The following PKD1 variants were observed in gnomAD, a reference collection of about 807,000 sequenced individuals.
PKD1 encodes the protein polycystin 1, transient receptor potential channel interacting, also known as polycystin-1.
PKD1 carries 81 observed loss-of-function variants against 361.7 expected under a neutral mutation model. The ratio of observed to expected loss-of-function variants is 0.22; its 90% CI spans 0.19 to 0.27. PKD1 has a LOEUF of 0.27. Ranked by LOEUF, PKD1 falls within the 10% of genes least tolerant of loss-of-function variation. The probability of loss-of-function intolerance (pLI) is 1.00; values close to 1 mark genes in which losing one functional copy is unlikely to be tolerated. For synonymous variants in PKD1, 3,615 were observed against 2,818.3 expected, an observed-to-expected ratio of 1.28 and a Z score of -8.95; for missense variants, 6,399 against 6,118.3, an observed-to-expected ratio of 1.05 and a Z score of -1.53.
chr16:2,090,975 G>C lies in PKD1; in HGVS notation c.11912C>G (p.Pro3971Arg). The C allele has an allele frequency of 6.5e-7, 1 of 1,539,642 alleles. No individual in the cohort carries two copies. The highest frequency in any genetic ancestry group is 2.4e-5 in the East Asian group (1 of 41,166). Residue 3971 changes from proline (P) to arginine (R), a missense_variant, in exon 43 of 46, where the codon CCG becomes CGG. Coordinates refer to ENST00000262304, the MANE Select transcript of PKD1 (RefSeq NM_001009944.3). ...CTGGTCGAAGCTAGTGAAGCGGCGC[G>C]GGCGGCCGCGCACGAAACGGGTCCA... ...RQWTRFVRGR[P>R]RRFTSFDQVA...
intron 1 of PKD1, among the ~76,000 whole-genome samples, chr16:2,126,109 T>A (rs548080286): frequency 1.3e-5 from 2 of 152,176 alleles, no homozygotes; most frequent in South Asian, 4.1e-4. Flanking sequence ...CGGAATCCCA[T>A]CACCCACTCG....
rs775311110 is a variant in PKD1 at position 2,111,669 on chromosome 16, G to A, written c.3498C>T (p.Gly1166=). 10 of 1,575,188 alleles carry A rather than the reference G, an allele frequency of 6.3e-6. No individual in the cohort carries two copies. Among genetic ancestry groups the A allele is most frequent in the Middle Eastern group, 2.3e-4 (1 of 4,412 alleles). Reference sequence around the variant, plus strand: ...GCTGGCTCTGGGTCAGGACAGGGGAGCCGTCCCCGAAGTCCCACGTGTAAA... The same window carrying A: ...GCTGGCTCTGGGTCAGGACAGGGGAACCGTCCCCGAAGTCCCACGTGTAAA... ...GVLYTWDFGD[G]SPVLTQSQPA... The change falls in exon 15 of 46, where the codon GGC becomes GGT. Residue 1166 remains glycine, a synonymous_variant. Transcript: ENST00000262304.
chr16:2,111,867 C>T lies in PKD1; in HGVS notation c.3300G>A (p.Glu1100=), dbSNP rs1400516972. 6 of 1,610,228 alleles carry T rather than the reference C, an allele frequency of 3.7e-6. No homozygotes were observed. Among genetic ancestry groups the T allele is most frequent in the Admixed American group, 1.7e-5 (1 of 60,002 alleles). Residue 1100 remains glutamate, a synonymous_variant, in exon 15 of 46, where the codon GAG becomes GAA. Coordinates refer to ENST00000262304, the MANE Select transcript of PKD1 (RefSeq NM_001009944.3). ...TAGATGCCAGCACGGTCAGGAGGTA[C>T]TCACCTGTGGGGACAGGCCCGAGTG... ...NVMHTYAAPG[E]YLLTVLASNA... is the part of the protein sequence containing the mutation.
chr16:2,121,561 C>A (rs2092721543), intron 1 of PKD1, among the ~76,000 whole-genome samples: 1 of 152,184 alleles, frequency 6.6e-6, no homozygotes, highest in Non-Finnish European at 1.5e-5. Context: ...CAGCATGTCT[C>A]TCTTTTCAGA....
chr16:2,133,865 C>T (rs113297834), intron 1 of PKD1, among the ~76,000 whole-genome samples: 18,441 of 150,964 alleles, frequency 0.12, 1,421 homozygotes, highest in African/African-American at 0.19. Context: ...CCTAAGAGGA[C>T]AACACAAGGC....
intron 2 of PKD1, 49 bp downstream of exon 2, chr16:2,119,258 G>A (rs1355985386): frequency 2.4e-6 from 3 of 1,263,206 alleles, no homozygotes; most frequent in Non-Finnish European, 3.4e-6. Context: ...GGTGCCGCCA[G>A]CCCACCCGGA....
In PKD1 at chr16:2,118,048, T is replaced by C. The variant is rs781386978; in HGVS notation, c.944A>G (p.Asp315Gly). Residue 315 changes from aspartate (D) to glycine (G), a missense_variant, in exon 5 of 46, where the codon GAT becomes GGT. By Grantham distance (94) the Asp-to-Gly change is moderately conservative (BLOSUM62 -1). Coordinates refer to ENST00000262304, the MANE Select transcript of PKD1 (RefSeq NM_001009944.3). This position sits in a 1 kb window ranked among gnomAD's most constrained non-coding sequence, Gnocchi z 6.0. Reference protein sequence around the residue: ...WDFGDGSAEVDAAGPAASHRY... With the variant: ...WDFGDGSAEVGAAGPAASHRY... ...ATGCGAGGCAGCCGGCCCAGCGGCA[T>C]CCACCTCGGCGGAGCCGTCTCCGAA... The C allele has an allele frequency of 4.4e-6, 7 of 1,603,882 alleles. No homozygotes were observed. In the Admixed American group the frequency reaches 5.0e-5, roughly 11 times the overall value.
rs752292020 is a variant in PKD1 at position 2,106,976 on chromosome 16, C to T, written c.7066-28G>A. 2 of 1,579,096 alleles carry T rather than the reference C, an allele frequency of 1.3e-6. No individual in the cohort carries two copies. Among genetic ancestry groups the T allele is most frequent in the South Asian group, 2.2e-5 (2 of 90,688 alleles). On this transcript the variant is annotated intron_variant, in intron 16 of 45. Coordinates refer to ENST00000262304, the MANE Select transcript of PKD1 (RefSeq NM_001009944.3). This position sits in a 1 kb window ranked among gnomAD's most constrained non-coding sequence, Gnocchi z 6.5. ...GGCGTGGGAGTGGGGTTACCTCCAA[C>T]ACAGGTCTATTTGGCCTGCTGGAAG...
rs1427365464 is a variant in PKD1, at chr16:2,135,836, G to C, written c.-147C>G. 1 of 278,344 alleles carries C rather than the reference G, an allele frequency of 3.6e-6. No individual in the cohort carries two copies. Among genetic ancestry groups the C allele is most frequent in the Non-Finnish European group, 5.4e-6 (1 of 185,472 alleles). 17.2% of individuals were successfully genotyped at this position (278,344 alleles called of 1,614,324 possible). ...ACCTGCTGCTGAGCGACGCCCGCTC[G>C]GGGCTCGGGGCCAGGCCGCTCCGGG... is the stretch of plus-strand genomic sequence containing the variant. On this transcript the variant is annotated 5_prime_UTR_variant, in exon 1 of 46. Coordinates refer to ENST00000262304, the MANE Select transcript of PKD1 (RefSeq NM_001009944.3).
chr16:2,092,454 T>A, intron 39 of PKD1, 26 bp downstream of exon 39: 1 of 1,463,130 alleles, frequency 6.8e-7, no homozygotes, highest in Non-Finnish European at 9.6e-7. Context: ...ACGATTTAAG[T>A]CTTGGGGCAC....
In PKD1 at chr16:2,089,910, C is replaced by T. The variant is rs766462197; in HGVS notation, c.12729G>A (p.Leu4243=). ...TEDVYQLEQQ[L]HSLQGRRSSR... is the part of the protein sequence containing the mutation. ...TGCTCCTGCGGCCTTGCAGGCTGTGCAGCTGCTGCTCCAGCTGGTAGACGT... is the reference window on the plus strand; with the variant it reads ...TGCTCCTGCGGCCTTGCAGGCTGTGTAGCTGCTGCTCCAGCTGGTAGACGT... Residue 4243 remains leucine (L), a synonymous_variant, in exon 46 of 46, where the codon CTG becomes CTA. Transcript: ENST00000262304. 3 of 1,611,630 alleles carry T rather than the reference C, an allele frequency of 1.9e-6. No individual in the cohort carries two copies. Among genetic ancestry groups the T allele is most frequent in the Non-Finnish European group, 1.7e-6 (2 of 1,179,648 alleles).
intron 10 of PKD1, 23 bp downstream of exon 10, chr16:2,115,355 A>G: frequency 6.7e-7 from 1 of 1,489,058 alleles, no homozygotes; most frequent in African/African-American, 1.4e-5. Flanking sequence ...TGCAGGGAAC[A>G]GACCCAGGTC....
In PKD1 at chr16:2,100,385, T is replaced by C. The variant is rs762198694; in HGVS notation, c.9568+11A>G. ...GGCAGAGGGGCAGAGCTTGGCAGGG[T>C]CCGCACAAACCTTTGTTGTCGTGCC... is the stretch of plus-strand genomic sequence containing the variant. On this transcript the variant is annotated intron_variant, in intron 27 of 45. Coordinates refer to ENST00000262304, the MANE Select transcript of PKD1 (RefSeq NM_001009944.3). The surrounding 1 kb of genome is among the most constrained non-coding windows in gnomAD (Gnocchi z 4.4). 4 of 1,610,994 alleles carry C rather than the reference T, an allele frequency of 2.5e-6. No homozygotes were observed. In the African/African-American group the frequency reaches 5.3e-5, roughly 22 times the overall value.
chr16:2,108,585 G>A lies in PKD1; in HGVS notation c.6582C>T (p.Ser2194=). 1 of 1,558,508 alleles carries A rather than the reference G, an allele frequency of 6.4e-7. No homozygotes were observed. Among genetic ancestry groups the A allele is most frequent in the Non-Finnish European group, 8.7e-7 (1 of 1,151,546 alleles). The change falls in exon 15 of 46, where the codon AGC becomes AGT. Residue 2194 remains serine (S), a synonymous_variant. Transcript: ENST00000262304. ...EYRWEVYRTA[S]CQRPGRPARV... ...GCGCTGGGCGCCCCGGCCGCTGGCAGCTGGCGGTGCGATACACCTCCCAGC... is the reference window on the plus strand; with the variant it reads ...GCGCTGGGCGCCCCGGCCGCTGGCAACTGGCGGTGCGATACACCTCCCAGC...
In PKD1 at chr16:2,108,322, T is replaced by C. The variant is rs1399013327; in HGVS notation, c.6845A>G (p.Tyr2282Cys). 3.7e-6 allele frequency: 6 copies of C among 1,604,456 alleles called. No homozygotes were observed. The highest frequency in any genetic ancestry group is 5.1e-6 in the Non-Finnish European group (6 of 1,174,734). Residue 2282 changes from tyrosine (Y) to cysteine (C), a missense_variant, in exon 15 of 46, where the codon TAC becomes TGC. Physicochemically the swap from Tyr to Cys is radical, Grantham distance 194. Transcript: ENST00000262304. Reference sequence around the variant, plus strand: ...GTCGCCGTCCTCCAGGTTGGGGTCGTAGGACTCGCTCCCATCCAGCACCAG... The same window carrying C: ...GTCGCCGTCCTCCAGGTTGGGGTCGCAGGACTCGCTCCCATCCAGCACCAG... ...RDLVLDGSES[Y>C]DPNLEDGDQT... is the part of the protein sequence containing the mutation.
At position 2,093,742 on chromosome 16, in the gene PKD1, G is replaced by C. The variant is rs1213585339; in HGVS notation, c.10822-4C>G. The C allele has an allele frequency of 3.2e-6, 5 of 1,576,956 alleles. No individual in the cohort carries two copies. The Admixed American group carries it at 8.9e-5, about 28-fold the overall frequency. On this transcript the variant is annotated splice_polypyrimidine_tract_variant and splice_region_variant and intron_variant, in intron 36 of 45. Coordinates refer to ENST00000262304, the MANE Select transcript of PKD1 (RefSeq NM_001009944.3). ...AGTACAGGGCTTCCAGCAAGACCTG[G>C]GGAGGGGGTGGCTTCAGAGGGGTCC...
intron 34 of PKD1, chr16:2,095,427 A>T (rs974781840): frequency 2.6e-5 from 4 of 152,220 alleles, no homozygotes; most frequent in Non-Finnish European, 2.9e-5. Context: ...AAATAAAAAT[A>T]AAAAATAACC....
chr16:2,114,743 G>A lies in PKD1; in HGVS notation c.2280C>T (p.Gly760=), dbSNP rs890909853. 1.3e-6 allele frequency: 2 copies of A among 1,505,342 alleles called. No individual in the cohort carries two copies. Among genetic ancestry groups the A allele is most frequent in the Admixed American group, 2.0e-5 (1 of 50,936 alleles). 93.2% of individuals were successfully genotyped at this position (1,505,342 alleles called of 1,614,324 possible). A position where few individuals can be genotyped will look rare whatever the true frequency, so the allele number is the denominator to read the frequency against. ...GGGCACAGGCAGGGCAGGCCCAAGT[G>A]CCCTCCAGCTGGGCTGGCAAGTGGG... is the stretch of plus-strand genomic sequence containing the variant. ...WLPHLPAQLE[G]TWACPACALR... is the part of the protein sequence containing the mutation. The change falls in exon 11 of 46, where the codon GGC becomes GGT. Residue 760 remains glycine (G), a synonymous_variant. Coordinates refer to ENST00000262304, the MANE Select transcript of PKD1 (RefSeq NM_001009944.3).
In PKD1 at chr16:2,102,193, T is replaced by C. The variant is rs1469486058; in HGVS notation, c.9265A>G (p.Met3089Val). Reference sequence around the variant, plus strand: ...TTGTGCAGGATGGCGGCCATGACCATGTAGGTCACCAGGCACACAGCACAT... The same window carrying C: ...TTGTGCAGGATGGCGGCCATGACCACGTAGGTCACCAGGCACACAGCACAT... Reference protein sequence around the residue: ...LTCAVCLVTYMVMAAILHKLD... With the variant: ...LTCAVCLVTYVVMAAILHKLD... Residue 3089 changes from methionine to valine, a missense_variant, in exon 26 of 46, where the codon ATG becomes GTG. Physicochemically the swap from Met to Val is conservative, Grantham distance 21. Transcript: ENST00000262304. 1.3e-5 allele frequency: 20 copies of C among 1,507,740 alleles called. No individual in the cohort carries two copies. Among genetic ancestry groups the C allele is most frequent in the East Asian group, 9.0e-5 (4 of 44,514 alleles). The allele number at this position is 1,507,740 out of a possible 1,614,324, so 93.4% of individuals were successfully genotyped here. A position where few individuals can be genotyped will look rare whatever the true frequency, so the allele number is the denominator to read the frequency against.
Sources: gnomAD v4.1 joint callset for allele counts (sites outside exome capture counted in the v4.1 genomes callset) on GRCh38, gnomAD v4.1.1 for gene constraint, Gnocchi (gnomAD v3.1) non-coding constraint, MANE v1.5 for transcripts, NCBI Gene and HGNC (gene_info 2026-07-23, HGNC 2026-07-21) for gene names.